The following AGK variants were observed in gnomAD, a reference collection of about 807,000 sequenced individuals.
The protein encoded by AGK is acylglycerol kinase, mitochondrial.
AGK carries 52 observed loss-of-function variants against 66.4 expected under a neutral mutation model. The ratio of observed to expected loss-of-function variants is 0.78; its 90% CI spans 0.63 to 0.99. The LOEUF (loss-of-function observed/expected upper bound fraction) is 0.99, where lower values mean the gene tolerates loss of function less well. Ranked by LOEUF, AGK falls within the 50% of genes least tolerant of loss-of-function variation. The probability of loss-of-function intolerance (pLI) is 0.00; values close to 1 mark genes in which losing one functional copy is unlikely to be tolerated. For missense variants in AGK, 451 were observed against 506.6 expected, an observed-to-expected ratio of 0.89 and a Z score of 1.05; for synonymous variants, 182 against 181.1, an observed-to-expected ratio of 1.00 and a Z score of -0.04.
intron 2 of AGK, among the ~76,000 whole-genome samples, chr7:141,566,483 C>T (rs1390816101): frequency 1.3e-5 from 2 of 152,182 alleles, no homozygotes; most frequent in Admixed American, 1.3e-4. Context: ...ATTCACAAAC[C>T]TAGGCTGTTG....
chr7:141,552,575 C>A (rs538272675), intron 1 of AGK, among the ~76,000 whole-genome samples: 6 of 152,320 alleles, frequency 3.9e-5, no homozygotes, highest in Admixed American at 3.3e-4. Flanking sequence ...AACCCCTGTT[C>A]TAGACACTCC....
chr7:141,648,888 C>A (rs934779946), intron 13 of AGK, among the ~76,000 whole-genome samples: 1 of 152,128 alleles, frequency 6.6e-6, no homozygotes, highest in African/African-American at 2.4e-5. Flanking sequence ...AGCTCATGTA[C>A]AGTGAACACT....
chr7:141,615,215 A>G (rs956750527), intron 7 of AGK, among the ~76,000 whole-genome samples: 1 of 152,186 alleles, frequency 6.6e-6, no homozygotes, highest in African/African-American at 2.4e-5. Context: ...TCTTAACCAA[A>G]TTTCTTTCAA....
intron 5 of AGK, among the ~76,000 whole-genome samples, chr7:141,606,078 A>G (rs927821747): frequency 6.6e-6 from 1 of 152,224 alleles, no homozygotes. Context: ...TGTATTTACA[A>G]AATAATTTCA....
chr7:141,640,593 G>T (rs1343134373), intron 11 of AGK, among the ~76,000 whole-genome samples: 1 of 152,196 alleles, frequency 6.6e-6, no homozygotes, highest in Non-Finnish European at 1.5e-5. Flanking sequence ...ATAGTTCTGG[G>T]TGACATTAGG....
chr7:141,651,411 A>C (rs1290212486), intron 14 of AGK, 114 bp from the exon 15 acceptor site: 2 of 803,098 alleles, frequency 2.5e-6, no homozygotes, highest in Middle Eastern at 2.2e-4. Flanking sequence ...GGCTTAATAG[A>C]CCATCTGTCC....
At position 141,649,148 on chromosome 7, in the gene AGK, A is replaced by G. The variant is rs1389909144; in HGVS notation, c.976-115A>G. The G allele has an allele frequency of 3.0e-5, 16 of 540,674 alleles. No homozygotes were observed. The Admixed American group carries it at 5.3e-4, about 18-fold the overall frequency. The allele number at this position is 540,674 out of a possible 1,614,324, so 33.5% of individuals were successfully genotyped here. On this transcript the variant is annotated intron_variant, in intron 13 of 15. Transcript: ENST00000649286. ...GGTTTGGAATTAAATCACTACAAGT[A>G]GAGTCCCCTATCTATATATAGCTTC...
intron 8 of AGK, among the ~76,000 whole-genome samples, chr7:141,617,206 A>C (rs1796725750): frequency 6.6e-6 from 1 of 152,104 alleles, no homozygotes; most frequent in South Asian, 2.1e-4. Context: ...CCAGTATTCC[A>C]AATAGCATAT....
At chr7:141,608,591 A>G (rs1259568298) in intron 5 of AGK, among the ~76,000 whole-genome samples, 1 of 152,198 alleles carries the variant, frequency 6.6e-6, no homozygotes, top group African/African-American at 2.4e-5. Context: ...TTTCACTTCC[A>G]TTGTTGACAA....
At chr7:141,578,946 G>A (rs1795817399) in intron 2 of AGK, among the ~76,000 whole-genome samples, 1 of 150,722 alleles carries the variant, frequency 6.6e-6, no homozygotes, top group South Asian at 2.1e-4. Context: ...GGAGATATCA[G>A]CTATGATGGC....
intron 5 of AGK, among the ~76,000 whole-genome samples, chr7:141,610,943 T>C (rs1303196538): frequency 1.3e-5 from 2 of 152,212 alleles, no homozygotes; most frequent in East Asian, 1.9e-4. Context: ...AGACAAATTA[T>C]TGGGTTTGAA....
intron 13 of AGK, among the ~76,000 whole-genome samples, chr7:141,647,132 G>A (rs1797430727): frequency 6.6e-6 from 1 of 150,408 alleles, no homozygotes; most frequent in South Asian, 2.1e-4. Context: ...GCTCCTGGGA[G>A]CTCCTGAACC....
chr7:141,635,617 C>T (rs966269210), intron 10 of AGK, among the ~76,000 whole-genome samples: 20 of 152,150 alleles, frequency 1.3e-4, no homozygotes, highest in African/African-American at 4.8e-4. Context: ...ACTCTGTCAT[C>T]ACCCCTAATT....
intron 2 of AGK, among the ~76,000 whole-genome samples, chr7:141,583,344 C>G (rs1192279726): frequency 6.7e-6 from 1 of 148,664 alleles, no homozygotes; most frequent in East Asian, 2.0e-4. Flanking sequence ...ATGGTAGAGA[C>G]ATGGAGAGAA....
intron 9 of AGK, among the ~76,000 whole-genome samples, chr7:141,630,319 A>G (rs940612639): frequency 6.6e-6 from 1 of 152,166 alleles, no homozygotes; most frequent in Non-Finnish European, 1.5e-5. Context: ...AGTTGCAGTT[A>G]GATAGGAGGA....
chr7:141,603,931 AT>A (rs1422766796), intron 5 of AGK, among the ~76,000 whole-genome samples: 1 of 152,194 alleles, frequency 6.6e-6, no homozygotes. Context: ...TGCCATTTTC[AT>A]ACTTAGGAAA....
At chr7:141,618,474 G>C (rs1001147584) in intron 8 of AGK, among the ~76,000 whole-genome samples, 1 of 152,152 alleles carries the variant, frequency 6.6e-6, no homozygotes, top group Non-Finnish European at 1.5e-5. Context: ...ATTATGCCTA[G>C]TAAAGTGGAC....
At chr7:141,557,196 A>G in intron 2 of AGK, among the ~76,000 whole-genome samples, 1 of 152,344 alleles carries the variant, frequency 6.6e-6, no homozygotes, top group Non-Finnish European at 1.5e-5. Context: ...TAACTTTATG[A>G]TATAACATGA....
At position 141,649,088 on chromosome 7, in the gene AGK, C is replaced by G. The variant is rs1340427731; in HGVS notation, c.976-175C>G. 6.9e-6 allele frequency: 3 copies of G among 435,328 alleles called. No homozygotes were observed. The East Asian group carries it at 1.0e-4, about 15-fold the overall frequency. The allele number at this position is 435,328 out of a possible 1,614,324, so 27.0% of individuals were successfully genotyped here. A position where few individuals can be genotyped will look rare whatever the true frequency, so the allele number is the denominator to read the frequency against. On this transcript the variant is annotated intron_variant, in intron 13 of 15. Coordinates refer to ENST00000649286, the MANE Select transcript of AGK (RefSeq NM_018238.4). ...CTATAAATTATACCTCAGTAAAGCT[C>G]TTTGTGAAAAAAAAAAAAAAAAAGA...
Sources: allele counts gnomAD v4.1 joint callset (sites outside exome capture counted in the v4.1 genomes callset), GRCh38; gene constraint gnomAD v4.1.1; transcripts MANE v1.5; gene names NCBI Gene and HGNC (gene_info 2026-07-23, HGNC 2026-07-21).